Variants in EIF4G1 observed in about 807,000 individuals in gnomAD.
The protein encoded by EIF4G1 is eukaryotic translation initiation factor 4 gamma 1, also known as EIF4-gamma.
In EIF4G1, 4 loss-of-function variants were observed where a neutral mutation model predicts 187.8. The ratio of observed to expected loss-of-function variants is 0.02; its 90% CI spans 0.01 to 0.05. EIF4G1 has a LOEUF of 0.05. EIF4G1 is among the 10% of genes least tolerant of loss of function. EIF4G1 has a pLI of 1.00. For missense variants in EIF4G1, 1,647 were observed against 2,081.1 expected, an observed-to-expected ratio of 0.79 and a Z score of 4.06; for synonymous variants, 844 against 781.4, an observed-to-expected ratio of 1.08 and a Z score of -1.34.
At position 184,334,796 on chromosome 3, in the gene EIF4G1, G is replaced by C; in HGVS notation, c.4688G>C (p.Trp1563Ser). 6.2e-7 allele frequency: 1 copy of C among 1,614,198 alleles called. No individual in the cohort carries two copies. Among genetic ancestry groups the C allele is most frequent in the Non-Finnish European group, 8.5e-7 (1 of 1,180,030 alleles). ...DVVKEDAFYSWESSKDPAEQQ... is the reference protein window; with the variant it reads ...DVVKEDAFYSSESSKDPAEQQ... Reference sequence around the variant, plus strand: ...GTGAAGGAGGATGCCTTCTACAGTTGGGAGAGTAGCAAGGACCCCGCTGAG... The same window carrying C: ...GTGAAGGAGGATGCCTTCTACAGTTCGGAGAGTAGCAAGGACCCCGCTGAG... Residue 1563 changes from tryptophan (W) to serine (S), a missense_variant, in exon 33 of 33, where the codon TGG (tryptophan) becomes TCG (serine). Trp to Ser is a radical substitution (Grantham distance 177). Around this residue, in one of 11 missense-constraint regions of EIF4G1, gnomAD observed 543 missense variants for 638.0 expected, o/e 0.85. Coordinates refer to ENST00000346169, the MANE Select transcript of EIF4G1 (RefSeq NM_198241.3). The surrounding 1 kb of genome is among the most constrained non-coding windows in gnomAD (Gnocchi z 5.8).
intron 28 of EIF4G1, among the ~76,000 whole-genome samples, chr3:184,329,377 A>C (rs1479752555): frequency 6.6e-6 from 1 of 152,248 alleles, no homozygotes; most frequent in Non-Finnish European, 1.5e-5. Context: ...TCACGCCTGT[A>C]ATCCCAGCAC....
intron 26 of EIF4G1, 115 bp downstream of exon 26, chr3:184,328,117 C>G: frequency 2.4e-6 from 3 of 1,257,316 alleles, no homozygotes. Flanking sequence ...GGTGTGGTGG[C>G]TTATGCCTGT....
chr3:184,332,006 A>G lies in EIF4G1; in HGVS notation c.4538A>G (p.Lys1513Arg). 6.2e-7 allele frequency: 1 copy of G among 1,614,210 alleles called. No homozygotes were observed. Among genetic ancestry groups the G allele is most frequent in the African/African-American group, 1.3e-5 (1 of 75,040 alleles). Residue 1513 changes from lysine (K) to arginine (R), a missense_variant, in exon 32 of 33, where the codon AAA becomes AGA. Around this residue, in one of 11 missense-constraint regions of EIF4G1, gnomAD observed 543 missense variants for 638.0 expected, o/e 0.85. Coordinates refer to ENST00000346169, the MANE Select transcript of EIF4G1 (RefSeq NM_198241.3). ...VLKARAKLLQKYLCDEQKELQ... is the reference protein window; with the variant it reads ...VLKARAKLLQRYLCDEQKELQ... ...AAAGCGCGAGCGAAGCTGCTGCAGA[A>G]ATACCTGTGTGACGAGCAGAAGGAG...
intron 30 of EIF4G1, 55 bp from the exon 31 acceptor site, chr3:184,331,673 T>A: frequency 6.2e-7 from 1 of 1,613,582 alleles, no homozygotes; most frequent in Non-Finnish European, 8.5e-7. Flanking sequence ...GCAGCAAGAA[T>A]GAAGACTGAA....
chr3:184,327,766 T>C, intron 25 of EIF4G1, 62 bp downstream of exon 25: 3 of 1,613,648 alleles, frequency 1.9e-6, no homozygotes, highest in Non-Finnish European at 2.5e-6. Context: ...CTGGCAGGCA[T>C]AGGGGTCCGG....
chr3:184,332,854 AGG>A (rs1726395696), intron 32 of EIF4G1, among the ~76,000 whole-genome samples: 1 of 152,192 alleles, frequency 6.6e-6, no homozygotes, highest in Non-Finnish European at 1.5e-5. Context: ...GGCCGAAGAG[AGG>A]GATGTGGGCC....
Position 184,334,664 on chromosome 3 carries a change from C to T in EIF4G1, c.4619-63C>T, listed in dbSNP as rs1726803567. The T allele has an allele frequency of 2.5e-6, 4 of 1,606,950 alleles. No individual in the cohort carries two copies. The highest frequency in any genetic ancestry group is 2.7e-5 in the African/African-American group (2 of 74,828). On this transcript the variant is annotated intron_variant, in intron 32 of 32. Transcript: ENST00000346169. This position sits in a 1 kb window ranked among gnomAD's most constrained non-coding sequence, Gnocchi z 5.8. ...TTGAACAGTGGAACTTGGGAGGGTT[C>T]CCTGGGGTGGGCTGGGGTGGCGGTG...
chr3:184,317,183 A>G (rs1722948284), intron 4 of EIF4G1, 138 bp from the exon 5 acceptor site: 2 of 1,001,312 alleles, frequency 2.0e-6, no homozygotes, highest in Non-Finnish European at 3.1e-6. Flanking sequence ...CATTTGGTCA[A>G]GTGGTCTTGG....
At chr3:184,331,633 G>A (rs2108520080) in intron 30 of EIF4G1, 27 bp downstream of exon 30, 1 of 1,385,356 alleles carries the variant, frequency 7.2e-7, no homozygotes, top group Non-Finnish European at 1.0e-6. Flanking sequence ...TATCGATAAA[G>A]GAAAGGTAGT....
chr3:184,316,002 GC>G, intron 3 of EIF4G1, 129 bp from the exon 4 acceptor site: 3 of 1,531,582 alleles, frequency 2.0e-6, no homozygotes, highest in Non-Finnish European at 2.6e-6. Flanking sequence ...GTCCCCGGGG[GC>G]TGTCACGGGG....
intron 10 of EIF4G1, 26 bp from the exon 11 acceptor site, chr3:184,322,336 G>A: frequency 1.9e-6 from 3 of 1,603,420 alleles, no homozygotes; most frequent in African/African-American, 1.3e-5. Context: ...AAAGATCCAT[G>A]CTTTTATTTA....
In EIF4G1 at chr3:184,315,555, G is replaced by A. The variant is rs767514406; in HGVS notation, c.-35+10G>A. Reference sequence around the variant, plus strand: ...GTTCTTAATCGAGGGGGTGAGTGAGGGGTCTGTTTCAGTAGGTCAGGGGTT... The same window carrying A: ...GTTCTTAATCGAGGGGGTGAGTGAGAGGTCTGTTTCAGTAGGTCAGGGGTT... On this transcript the variant is annotated intron_variant, in intron 2 of 32. Coordinates refer to ENST00000346169, the MANE Select transcript of EIF4G1 (RefSeq NM_198241.3). 2.6e-6 allele frequency: 2 copies of A among 756,346 alleles called. No homozygotes were observed. Among genetic ancestry groups the A allele is most frequent in the East Asian group, 5.0e-5 (2 of 40,026 alleles). 46.9% of individuals were successfully genotyped at this position (756,346 alleles called of 1,614,324 possible).
At position 184,328,399 on chromosome 3, in the gene EIF4G1, A is replaced by AT. The variant is rs948134231; in HGVS notation, c.3954-232_3954-231insT. On this transcript the variant is annotated intron_variant, in intron 26 of 32. Transcript: ENST00000346169. ...AAAGCAAAACTGTCTCAAAAAAAAA[A>AT]CCAAAAAACAGTATGGGTTCCTTGA... 4.6e-6 allele frequency: 3 copies of AT among 648,460 alleles called. No homozygotes were observed. The Admixed American group carries it at 7.9e-5, about 17-fold the overall frequency. The allele number at this position is 648,460 out of a possible 1,614,324, so 40.2% of individuals were successfully genotyped here.
Position 184,321,405 on chromosome 3 carries a change from C to T in EIF4G1, c.821C>T (p.Pro274Leu), listed in dbSNP as rs139626338. 2.0e-5 allele frequency: 33 copies of T among 1,614,154 alleles called. No homozygotes were observed. The highest frequency in any genetic ancestry group is 6.7e-5 in the Admixed American group (4 of 60,002). ...PTPSPSPVLE[P>L]GSEPNLAVLS... Reference sequence around the variant, plus strand: ...CCATCACCATCCCCAGTCTTGGAACCGGGGTCTGAGCCTAATCTCGCAGTC... The same window carrying T: ...CCATCACCATCCCCAGTCTTGGAACTGGGGTCTGAGCCTAATCTCGCAGTC... The change falls in exon 10 of 33, where the codon CCG becomes CTG. Residue 274 changes from proline (P) to leucine (L), a missense_variant. Coordinates refer to ENST00000346169, the MANE Select transcript of EIF4G1 (RefSeq NM_198241.3).
chr3:184,331,793 C>T lies in EIF4G1; in HGVS notation c.4461C>T (p.Cys1487=), dbSNP rs761685724. 36 of 1,614,010 alleles carry T rather than the reference C, an allele frequency of 2.2e-5. No individual in the cohort carries two copies. Among genetic ancestry groups the T allele is most frequent in the Non-Finnish European group, 3.0e-5 (35 of 1,180,040 alleles). ...TLVRALMTAV[C]YSAIIFETPL... is the part of the protein sequence containing the mutation. ...TTCGAGCCCTCATGACGGCTGTCTG[C>T]TATTCTGCAATTATTTGTAAGAGGA... Residue 1487 remains cysteine, a synonymous_variant, in exon 31 of 33, where the codon TGC becomes TGT. Transcript: ENST00000346169.
chr3:184,328,615 T>C lies in EIF4G1; in HGVS notation c.3954-16T>C. 2 of 1,614,170 alleles carry C rather than the reference T, an allele frequency of 1.2e-6. No individual in the cohort carries two copies. Among genetic ancestry groups the C allele is most frequent in the Non-Finnish European group, 1.7e-6 (2 of 1,180,026 alleles). ...GACCTGGCCTAGAATGTCTTGACTTTGAATTCCCTTGGCAGGTTGTATGAA... is the reference window on the plus strand; with the variant it reads ...GACCTGGCCTAGAATGTCTTGACTTCGAATTCCCTTGGCAGGTTGTATGAA... On this transcript the variant is annotated splice_polypyrimidine_tract_variant and intron_variant, in intron 26 of 32. Coordinates refer to ENST00000346169, the MANE Select transcript of EIF4G1 (RefSeq NM_198241.3).
At position 184,325,583 on chromosome 3, in the gene EIF4G1, A is replaced by G. The variant is rs1456865027; in HGVS notation, c.3065A>G (p.Gln1022Arg). 1 of 1,614,260 alleles carries G rather than the reference A, an allele frequency of 6.2e-7. No homozygotes were observed. Among genetic ancestry groups the G allele is most frequent in the Non-Finnish European group, 8.5e-7 (1 of 1,180,054 alleles). The stretch of plus-strand genomic sequence containing the variant: ...CATCGAGAGCACATCAAAGTGCAGC[A>G]GCTCATGGCCAAGGGCAGTGACAAG... Reference protein sequence around the residue: ...EEHREHIKVQQLMAKGSDKRR... With the variant: ...EEHREHIKVQRLMAKGSDKRR... Residue 1022 changes from glutamine to arginine, a missense_variant, in exon 20 of 33, where the codon CAG (glutamine) becomes CGG (arginine). Transcript: ENST00000346169. This position sits in a 1 kb window ranked among gnomAD's most constrained non-coding sequence, Gnocchi z 5.2.
At position 184,323,744 on chromosome 3, in the gene EIF4G1, G is replaced by A. The variant is rs752977299; in HGVS notation, c.2275-36G>A. 2 of 1,612,548 alleles carry A rather than the reference G, an allele frequency of 1.2e-6. No individual in the cohort carries two copies. Among genetic ancestry groups the A allele is most frequent in the Non-Finnish European group, 1.7e-6 (2 of 1,179,906 alleles). On this transcript the variant is annotated intron_variant, in intron 15 of 32. Coordinates refer to ENST00000346169, the MANE Select transcript of EIF4G1 (RefSeq NM_198241.3). The surrounding 1 kb of genome is among the most constrained non-coding windows in gnomAD (Gnocchi z 6.9). ...TGTCCCTCCCAACAGCCTGTTCTGAGACCCTCACTGGAACTCTTGTCTCTT... is the reference window on the plus strand; with the variant it reads ...TGTCCCTCCCAACAGCCTGTTCTGAAACCCTCACTGGAACTCTTGTCTCTT...
intron 26 of EIF4G1, 119 bp from the exon 27 acceptor site, chr3:184,328,512 C>T (rs1465454473): frequency 1.4e-6 from 2 of 1,410,262 alleles, no homozygotes; most frequent in African/African-American, 1.4e-5. Flanking sequence ...AATAATTGTC[C>T]CCATGTCTAG....
Sources: allele counts gnomAD v4.1 joint callset (sites outside exome capture counted in the v4.1 genomes callset), GRCh38; gene constraint gnomAD v4.1.1; regional missense constraint gnomAD v4.1.1; non-coding constraint Gnocchi (gnomAD v3.1); transcripts MANE v1.5; gene names NCBI Gene and HGNC (gene_info 2026-07-23, HGNC 2026-07-21).